Variants in ARHGAP8 observed in about 807,000 individuals in gnomAD.
The protein encoded by ARHGAP8 is Rho GTPase activating protein 8.
A neutral mutation model predicts 46.1 loss-of-function variants in ARHGAP8; 62 were observed. The ratio of observed to expected loss-of-function variants is 1.34; its 90% CI spans 1.10 to 1.66. The LOEUF (loss-of-function observed/expected upper bound fraction) is 1.66. Among genes scored for constraint, ARHGAP8 ranks in the 40% most tolerant of loss-of-function variants. ARHGAP8 has a pLI of 0.00. For missense variants in ARHGAP8, 923 were observed against 568.4 expected (o/e 1.62, Z -6.34); for synonymous variants, 375 against 243.1 (o/e 1.54, Z -5.05).
chr22:44,776,774 G>A (rs543187497), intron 1 of ARHGAP8, among the ~76,000 whole-genome samples: 2 of 152,252 alleles, frequency 1.3e-5, no homozygotes, highest in South Asian at 4.1e-4. Flanking sequence ...TAATGGCGCT[G>A]CGCACTGTAG....
chr22:44,818,985 C>T (rs1334882895), intron 5 of ARHGAP8, among the ~76,000 whole-genome samples: 2 of 152,314 alleles, frequency 1.3e-5, no homozygotes, highest in Middle Eastern at 3.4e-3. Context: ...AGGAGCGCAC[C>T]ATGTTGACTG....
chr22:44,796,329 T>A (rs1018423190), intron 2 of ARHGAP8, among the ~76,000 whole-genome samples: 3 of 152,180 alleles, frequency 2.0e-5, no homozygotes, highest in African/African-American at 7.2e-5. Flanking sequence ...AGTTTGCTCC[T>A]CGGGGGCAGC....
At position 44,862,706 on chromosome 22, in the gene ARHGAP8, A is replaced by C. The variant is rs868293065; in HGVS notation, c.*111A>C. The C allele has an allele frequency of 5.3e-6, 7 of 1,312,858 alleles. No homozygotes were observed. The highest frequency in any genetic ancestry group is 3.9e-4 in the Middle Eastern group (2 of 5,156). 81.3% of individuals were successfully genotyped at this position (1,312,858 alleles called of 1,614,324 possible). On this transcript the variant is annotated 3_prime_UTR_variant, in exon 12 of 12. Coordinates refer to ENST00000356099, the MANE Select transcript of ARHGAP8 (RefSeq NM_181335.3). ...TAACCAGCCATTAGATGAATTCAGAACCTTCTAATGAAAACTCCATGCCTC... is the reference window on the plus strand; with the variant it reads ...TAACCAGCCATTAGATGAATTCAGACCCTTCTAATGAAAACTCCATGCCTC...
Position 44,786,466 on chromosome 22 carries a change from G to C in ARHGAP8, c.-62G>C. The C allele has an allele frequency of 6.2e-7, 1 of 1,603,642 alleles. No individual in the cohort carries two copies. Among genetic ancestry groups the C allele is most frequent in the Non-Finnish European group, 8.5e-7 (1 of 1,175,334 alleles). On this transcript the variant is annotated 5_prime_UTR_variant, in exon 2 of 12. Coordinates refer to ENST00000356099, the MANE Select transcript of ARHGAP8 (RefSeq NM_181335.3). ...ATCTTCTTTGCCGCAGAGCTGCAGA[G>C]AGACAAGGCGGCGGCGGCTGCTGTG... is the stretch of plus-strand genomic sequence containing the variant.
At chr22:44,842,030 C>G (rs1190667493) in intron 7 of ARHGAP8, among the ~76,000 whole-genome samples, 1 of 152,156 alleles carries the variant, frequency 6.6e-6, no homozygotes, top group Non-Finnish European at 1.5e-5. Context: ...TGCTGGGTCT[C>G]AGGCCCTGTG....
rs2070531738 is a variant in ARHGAP8, at chr22:44,862,287, A to C, written c.994A>C (p.Ser332Arg). 6.3e-7 allele frequency: 1 copy of C among 1,592,974 alleles called. No individual in the cohort carries two copies. Among genetic ancestry groups the C allele is most frequent in the East Asian group, 2.3e-5 (1 of 44,350 alleles). ...MGFLHAVSRE[S>R]IFNKMNSSNL... ...TGGTTTCCTCCAGGTGTCCCGGGAG[A>C]GCATCTTCAACAAAATGAACAGCTC... is the stretch of plus-strand genomic sequence containing the variant. Residue 332 changes from serine (S) to arginine (R), a missense_variant, in exon 12 of 12, where the codon AGC (serine) becomes CGC (arginine). Transcript: ENST00000356099.
chr22:44,796,318 C>T (rs189541234), intron 2 of ARHGAP8, among the ~76,000 whole-genome samples: 54 of 152,282 alleles, frequency 3.5e-4, no homozygotes, highest in Middle Eastern at 6.8e-3. Context: ...GAGGCCCCCA[C>T]AGTTTGCTCC....
chr22:44,797,978 G>GT (rs1928213747), intron 2 of ARHGAP8, among the ~76,000 whole-genome samples: 1 of 118,886 alleles, frequency 8.4e-6, no homozygotes, highest in Admixed American at 8.5e-5. Flanking sequence ...TGGCCAATAA[G>GT]ATTTTTTTTT....
chr22:44,786,012 C>G (rs554265214), intron 1 of ARHGAP8: 180 of 165,948 alleles, frequency 1.1e-3, no homozygotes, highest in Non-Finnish European at 1.9e-3. Flanking sequence ...GTTGCCACCC[C>G]TGTCAATGTG....
intron 6 of ARHGAP8, among the ~76,000 whole-genome samples, chr22:44,825,203 A>C (rs570039071): frequency 2.0e-5 from 3 of 152,082 alleles, no homozygotes; most frequent in African/African-American, 7.2e-5. Context: ...GGCTGACCGC[A>C]TGGTAAGCAG....
Position 44,859,724 on chromosome 22 carries a change from C to A in ARHGAP8, c.878-7C>A. 1.2e-6 allele frequency: 2 copies of A among 1,613,180 alleles called. No individual in the cohort carries two copies. The highest frequency in any genetic ancestry group is 1.7e-6 in the Non-Finnish European group (2 of 1,179,996). ...GGAGCTCAGCAGGGAGCCCCATGCC[C>A]TTCCAGGTGTGGAGAGCAGCCTGCG... On this transcript the variant is annotated splice_polypyrimidine_tract_variant and splice_region_variant and intron_variant, in intron 10 of 11. Transcript: ENST00000356099.
intron 5 of ARHGAP8, among the ~76,000 whole-genome samples, chr22:44,816,043 A>T (rs888374777): frequency 2.6e-5 from 4 of 151,922 alleles, no homozygotes; most frequent in Non-Finnish European, 5.9e-5. Context: ...CCTCCCTAGG[A>T]TGAAGCCTCT....
At chr22:44,857,824 T>G in intron 10 of ARHGAP8, among the ~76,000 whole-genome samples, 1 of 152,046 alleles carries the variant, frequency 6.6e-6, no homozygotes, top group African/African-American at 2.4e-5. Flanking sequence ...CTCTCTACAC[T>G]GGGGTGGTTG....
chr22:44,858,342 T>C (rs1010752767), intron 10 of ARHGAP8, among the ~76,000 whole-genome samples: 1 of 150,440 alleles, frequency 6.6e-6, no homozygotes, highest in Admixed American at 6.6e-5. Context: ...CAGCGGGAAC[T>C]TGGTGAATAC....
At chr22:44,774,213 G>A (rs1194291944) in intron 1 of ARHGAP8, among the ~76,000 whole-genome samples, 5 of 152,036 alleles carry the variant, frequency 3.3e-5, no homozygotes, top group East Asian at 1.9e-4. Context: ...CAACAGTCAC[G>A]GGGTTAAAGT....
chr22:44,775,691 C>G (rs1026444948), intron 1 of ARHGAP8, among the ~76,000 whole-genome samples: 3 of 152,144 alleles, frequency 2.0e-5, no homozygotes, highest in African/African-American at 7.2e-5. Context: ...CTCAGGTTAT[C>G]CACCCACCTC....
chr22:44,802,512 C>T (rs1472523120), intron 3 of ARHGAP8, among the ~76,000 whole-genome samples: 5 of 152,230 alleles, frequency 3.3e-5, no homozygotes, highest in East Asian at 3.8e-4. Context: ...GCCTCCCCCA[C>T]GCACTGTCCC....
intron 2 of ARHGAP8, among the ~76,000 whole-genome samples, chr22:44,800,561 G>A (rs1252078620): frequency 3.0e-4 from 35 of 117,146 alleles, no homozygotes; most frequent in African/African-American, 1.2e-3. Flanking sequence ...TGTGTGGGGG[G>A]CGCCCCTCCC....
chr22:44,848,946 T>C lies in ARHGAP8; in HGVS notation c.763T>C (p.Phe255Leu). Residue 255 changes from phenylalanine to leucine, a missense_variant, in exon 10 of 12, where the codon TTT (phenylalanine) becomes CTT (leucine). Coordinates refer to ENST00000356099, the MANE Select transcript of ARHGAP8 (RefSeq NM_181335.3). ...TGTGTGTGCAGGGAAGCCCGTGAACTTTGACGACTACGGGGACATTCACAT... is the reference window on the plus strand; with the variant it reads ...TGTGTGTGCAGGGAAGCCCGTGAACCTTGACGACTACGGGGACATTCACAT... ...RLYNQGKPVN[F>L]DDYGDIHIPA... is the part of the protein sequence containing the mutation. The C allele has an allele frequency of 8.1e-6, 13 of 1,614,096 alleles. No homozygotes were observed. The highest frequency in any genetic ancestry group is 1.1e-5 in the Non-Finnish European group (13 of 1,180,012).
Sources: allele counts gnomAD v4.1 joint callset (sites outside exome capture counted in the v4.1 genomes callset), GRCh38; gene constraint gnomAD v4.1.1; transcripts MANE v1.5; gene names NCBI Gene and HGNC (gene_info 2026-07-23, HGNC 2026-07-21).